Variants in UNC79 observed in about 807,000 individuals in gnomAD.
UNC79 encodes the protein protein unc-79 homolog.
A neutral mutation model predicts 283.1 loss-of-function variants in UNC79; 37 were observed. The ratio of observed to expected loss-of-function variants is 0.13; its 90% CI spans 0.10 to 0.17. UNC79 has a LOEUF of 0.17. Among genes scored for constraint, UNC79 ranks in the 10% least tolerant of loss-of-function variants. UNC79 has a pLI of 1.00. For synonymous variants in UNC79, 1,107 were observed against 1,200.2 expected, an observed-to-expected ratio of 0.92 and a Z score of 1.61; for missense variants, 2,272 against 3,211.1, an observed-to-expected ratio of 0.71 and a Z score of 7.07.
chr14:93,605,333 C>A (rs1001756186), intron 26 of UNC79, among the ~76,000 whole-genome samples: 1 of 152,140 alleles, frequency 6.6e-6, no homozygotes, highest in East Asian at 1.9e-4. Context: ...ATTTCATTTA[C>A]ATTTTAAAAG....
At chr14:93,404,486 T>TAAAAAAAAAAAAAAAAA (rs34406486) in intron 1 of UNC79, among the ~76,000 whole-genome samples, 2 of 53,050 alleles carry the variant, frequency 3.8e-5, no homozygotes, top group African/African-American at 1.6e-4. Flanking sequence ...TGAGACCTTC[T>TAAAAAAAAAAAAAAAAA]AAAAAAAATA....
chr14:93,529,414 C>T, intron 10 of UNC79, 88 bp downstream of exon 10: 1 of 1,402,136 alleles, frequency 7.1e-7, no homozygotes, highest in East Asian at 2.3e-5. Flanking sequence ...TTTTATTTTA[C>T]AAAGACAGTC....
At chr14:93,609,556 C>T (rs1596057972) in intron 26 of UNC79, among the ~76,000 whole-genome samples, 1 of 152,028 alleles carries the variant, frequency 6.6e-6, no homozygotes, top group Admixed American at 6.6e-5. Context: ...GAAAATATAA[C>T]GTCAGACCCT....
chr14:93,433,742 T>G (rs1323517329), intron 1 of UNC79, among the ~76,000 whole-genome samples: 1 of 152,224 alleles, frequency 6.6e-6, no homozygotes, highest in Non-Finnish European at 1.5e-5. Flanking sequence ...GATAAAGGTT[T>G]CACTGGTTTG....
chr14:93,614,282 T>C (rs2066522026), intron 27 of UNC79, among the ~76,000 whole-genome samples: 1 of 148,732 alleles, frequency 6.7e-6, no homozygotes, highest in African/African-American at 2.5e-5. Context: ...TAGGCTTTTT[T>C]GTTTGTGTGG....
chr14:93,571,931 C>A (rs1271451695), exon 15 of UNC79: 1 of 1,614,100 alleles, frequency 6.2e-7, no homozygotes, highest in Non-Finnish European at 8.5e-7. Flanking sequence ...AGCACAGTGA[C>A]TCAGCTGAAG....
chr14:93,550,494 G>A (rs2061821808), intron 14 of UNC79, among the ~76,000 whole-genome samples: 2 of 116,644 alleles, frequency 1.7e-5, no homozygotes, highest in African/African-American at 6.9e-5. Flanking sequence ...CAGCCTGGGA[G>A]ACAGAGCAAG....
At chr14:93,454,421 A>G (rs117025583) in intron 1 of UNC79, among the ~76,000 whole-genome samples, 3 of 150,690 alleles carry the variant, frequency 2.0e-5, no homozygotes, top group African/African-American at 4.9e-5. Context: ...TTATGTATGT[A>G]TGTATAGATG....
chr14:93,593,520 G>A (rs1319357856), intron 22 of UNC79, among the ~76,000 whole-genome samples, 160 bp from the exon 23 acceptor site: 4 of 152,166 alleles, frequency 2.6e-5, no homozygotes, highest in African/African-American at 4.8e-5. Flanking sequence ...CATAGGAAAC[G>A]TCTGTCAGAG....
At chr14:93,590,758 A>G (rs893294088) in intron 22 of UNC79, among the ~76,000 whole-genome samples, 2 of 152,208 alleles carry the variant, frequency 1.3e-5, no homozygotes, top group African/African-American at 2.4e-5. Context: ...AGAGCTGGGA[A>G]AGGCGAATGG....
At chr14:93,400,286 T>C (rs2055081112) in intron 1 of UNC79, among the ~76,000 whole-genome samples, 1 of 152,090 alleles carries the variant, frequency 6.6e-6, no homozygotes, top group Non-Finnish European at 1.5e-5. Flanking sequence ...CCCAAGTCAA[T>C]CAATGGCAGA....
Position 93,637,196 on chromosome 14 carries a change from A to G in UNC79, c.5717-20A>G. On this transcript the variant is annotated intron_variant, in intron 31 of 48. Coordinates refer to ENST00000555664, the Ensembl canonical transcript of UNC79. ...CTAAGATGACCACATCAAAGACTGA[A>G]ACCCTCTATTTATCCACAGAACAGA... 1 of 1,033,702 alleles carries G rather than the reference A, an allele frequency of 9.7e-7. No individual in the cohort carries two copies. The highest frequency in any genetic ancestry group is 1.5e-6 in the Non-Finnish European group (1 of 649,764). The allele number at this position is 1,033,702 out of a possible 1,614,324, so 64.0% of individuals were successfully genotyped here.
At chr14:93,631,780 A>G (rs564250252) in intron 31 of UNC79, among the ~76,000 whole-genome samples, 80 of 152,346 alleles carry the variant, frequency 5.3e-4, no homozygotes, top group Middle Eastern at 3.4e-3. Context: ...TCATTCATTC[A>G]TGCATTCATT....
At chr14:93,379,096 C>T (rs1317313292) in intron 1 of UNC79, among the ~76,000 whole-genome samples, 1 of 152,108 alleles carries the variant, frequency 6.6e-6, no homozygotes, top group African/African-American at 2.4e-5. Context: ...TCATGAATTT[C>T]CACTGCTGTG....
rs2140935142 is a variant in UNC79, at chr14:93,690,596, A to G, written c.7272+293A>G. The G allele has an allele frequency of 3.0e-6, 1 of 336,038 alleles. No homozygotes were observed. Among genetic ancestry groups the G allele is most frequent in the East Asian group, 5.0e-5 (1 of 20,096 alleles). 20.8% of individuals were successfully genotyped at this position (336,038 alleles called of 1,614,324 possible). A position where few individuals can be genotyped will look rare whatever the true frequency, so the allele number is the denominator to read the frequency against. ...TCTCAAAATAATGAAGAGAAATAAA[A>G]GGCTAGAAATATAATCAAAATTCTG... On this transcript the variant is annotated intron_variant, in intron 45 of 48. Coordinates refer to ENST00000555664, the Ensembl canonical transcript of UNC79. This position sits in a 1 kb window ranked among gnomAD's most constrained non-coding sequence, Gnocchi z 4.3.
chr14:93,339,760 T>G (rs552977746), intron 1 of UNC79, among the ~76,000 whole-genome samples: 25 of 152,382 alleles, frequency 1.6e-4, no homozygotes, highest in Middle Eastern at 3.4e-3. Flanking sequence ...GCTCTCCTTG[T>G]ACTGGTTTGT....
intron 14 of UNC79, among the ~76,000 whole-genome samples, chr14:93,548,502 T>A (rs1342736945): frequency 6.6e-6 from 1 of 152,196 alleles, no homozygotes; most frequent in Non-Finnish European, 1.5e-5. Flanking sequence ...AGAAATAAGA[T>A]AATCTAAAAA....
chr14:93,682,543 G>C, intron 41 of UNC79, 74 bp from the exon 45 acceptor site: 1 of 1,318,044 alleles, frequency 7.6e-7, no homozygotes, highest in Non-Finnish European at 1.1e-6. Context: ...TTTAAGCCAA[G>C]TTAATAAAAT....
intron 4 of UNC79, among the ~76,000 whole-genome samples, chr14:93,486,595 A>T (rs1401099947): frequency 6.2e-5 from 9 of 144,904 alleles, no homozygotes; most frequent in African/African-American, 2.4e-4. Context: ...TGGAGGTTGC[A>T]GTGAGCTGAG....
Sources: allele counts gnomAD v4.1 joint callset (sites outside exome capture counted in the v4.1 genomes callset), GRCh38; gene constraint gnomAD v4.1.1; non-coding constraint Gnocchi (gnomAD v3.1); transcripts MANE v1.5; gene names NCBI Gene and HGNC (gene_info 2026-07-23, HGNC 2026-07-21).